The following RNF157 variants were observed in gnomAD, a reference collection of about 807,000 sequenced individuals.
RNF157 encodes the protein E3 ubiquitin ligase RNF157.
RNF157 carries 55 observed loss-of-function variants against 88.3 expected under a neutral mutation model. That is an observed-to-expected ratio of 0.62 (90% CI 0.50 to 0.78). The LOEUF (loss-of-function observed/expected upper bound fraction) is 0.78, where lower values mean the gene tolerates loss of function less well. Among genes scored for constraint, RNF157 ranks in the 30% least tolerant of loss-of-function variants. The pLI is 0.00. For missense variants in RNF157, 788 were observed against 860.8 expected (o/e 0.92, Z 1.06); for synonymous variants, 334 against 341.2 (o/e 0.98, Z 0.23).
chr17:76,191,598 C>A (rs1412917891), intron 2 of RNF157, among the ~76,000 whole-genome samples: 1 of 119,510 alleles, frequency 8.4e-6, no homozygotes, highest in Non-Finnish European at 1.7e-5. Flanking sequence ...AAGACTCCGC[C>A]TCAAAAAAAA....
chr17:76,225,851 G>A, intron 1 of RNF157: 1 of 1,612,736 alleles, frequency 6.2e-7, no homozygotes, highest in Non-Finnish European at 8.5e-7. Context: ...CTCTTTTAGA[G>A]CCTCGTTCTT....
intron 18 of RNF157, among the ~76,000 whole-genome samples, chr17:76,149,376 A>G (rs2068638303): frequency 6.6e-6 from 1 of 151,800 alleles, no homozygotes; most frequent in Non-Finnish European, 1.5e-5. Flanking sequence ...TTGAAGAGGG[A>G]AATAGACTCA....
At chr17:76,235,012 T>C (rs943927884) in intron 1 of RNF157, among the ~76,000 whole-genome samples, 9 of 152,228 alleles carry the variant, frequency 5.9e-5, no homozygotes, top group African/African-American at 2.2e-4. Flanking sequence ...CACTGATCTA[T>C]ATGCTCTTCA....
At chr17:76,198,455 G>A (rs1320807531) in intron 2 of RNF157, among the ~76,000 whole-genome samples, 1 of 152,134 alleles carries the variant, frequency 6.6e-6, no homozygotes, top group African/African-American at 2.4e-5. Context: ...TCTACTCCAC[G>A]AGAATAGGTC....
intron 1 of RNF157, among the ~76,000 whole-genome samples, chr17:76,217,875 C>G (rs1172259253): frequency 6.6e-6 from 1 of 152,160 alleles, no homozygotes; most frequent in Non-Finnish European, 1.5e-5. Context: ...AAAGTCACAT[C>G]ATACACATAT....
intron 2 of RNF157, among the ~76,000 whole-genome samples, chr17:76,205,086 C>T (rs1190412527): frequency 6.6e-6 from 1 of 151,428 alleles, no homozygotes; most frequent in Non-Finnish European, 1.5e-5. Flanking sequence ...CATGCCCAGT[C>T]TCCTTCCTTC....
rs1248707983 is a variant in RNF157 at position 76,142,695 on chromosome 17, G to A, written c.*2540C>T. ...AGGTGGGCAGGACCCCAACTCCCAG[G>A]TGAGGTGGGCAGGACCCTAACTCCC... On this transcript the variant is annotated 3_prime_UTR_variant, in exon 19 of 19. Coordinates refer to ENST00000269391, the MANE Select transcript of RNF157 (RefSeq NM_052916.3). 6.6e-6 allele frequency: 1 copy of A among 152,460 alleles called. No individual in the cohort carries two copies. Among genetic ancestry groups the A allele is most frequent in the Non-Finnish European group, 1.5e-5 (1 of 68,210 alleles). 9.4% of individuals were successfully genotyped at this position (152,460 alleles called of 1,614,324 possible).
At chr17:76,221,798 T>C (rs7217334) in intron 1 of RNF157, among the ~76,000 whole-genome samples, 21,522 of 152,176 alleles carry the variant, frequency 0.14, 2,286 homozygotes, top group African/African-American at 0.28. Context: ...GTATAATGTG[T>C]CCGACATATG....
chr17:76,218,893 C>T (rs1261780166), intron 1 of RNF157, among the ~76,000 whole-genome samples: 2 of 151,740 alleles, frequency 1.3e-5, no homozygotes, highest in African/African-American at 4.8e-5. Context: ...AAGATCACAC[C>T]ACGGCACTCC....
At chr17:76,234,247 G>A (rs1286968057) in intron 1 of RNF157, among the ~76,000 whole-genome samples, 1 of 152,106 alleles carries the variant, frequency 6.6e-6, no homozygotes, top group African/African-American at 2.4e-5. Flanking sequence ...ATTCTATTGT[G>A]CAGACTTACC....
chr17:76,178,938 T>C (rs2069147424), intron 2 of RNF157, among the ~76,000 whole-genome samples: 1 of 152,140 alleles, frequency 6.6e-6, no homozygotes, highest in South Asian at 2.1e-4. Flanking sequence ...AATCTAGAGA[T>C]GAGATTTCCA....
rs2069470502 is a variant in RNF157, at chr17:76,195,938, G to GT, written c.207+16425dup. Among the ~76,000 whole-genome samples the GT allele has an allele frequency of 1.3e-5, 2 of 152,180 alleles. No individual in the cohort carries two copies. Among genetic ancestry groups the GT allele is most frequent in the Non-Finnish European group, 2.9e-5 (2 of 68,048 alleles). ...ACTATTGCCACGGCAACACCTGGAA[G>GT]TTACCACCCTCTTTCATGGCAATGA... is the stretch of plus-strand genomic sequence containing the variant. On this transcript the variant is annotated intron_variant, in intron 2 of 18. Coordinates refer to ENST00000269391, the MANE Select transcript of RNF157 (RefSeq NM_052916.3). This position sits in a 1 kb window ranked among gnomAD's most constrained non-coding sequence, Gnocchi z 4.4.
intron 2 of RNF157, among the ~76,000 whole-genome samples, chr17:76,197,148 T>G (rs1398585546): frequency 6.6e-6 from 1 of 151,792 alleles, no homozygotes; most frequent in Non-Finnish European, 1.5e-5. Flanking sequence ...CTGAGGTGGG[T>G]GGAAAGTGGA....
chr17:76,194,511 T>A (rs2144956242), intron 2 of RNF157, among the ~76,000 whole-genome samples: 1 of 152,282 alleles, frequency 6.6e-6, no homozygotes, highest in East Asian at 1.9e-4. Context: ...CGCTTCTTAG[T>A]GGGCTGTGAA....
intron 2 of RNF157, among the ~76,000 whole-genome samples, chr17:76,200,514 T>C (rs2069557032): frequency 6.6e-6 from 1 of 152,082 alleles, no homozygotes; most frequent in African/African-American, 2.4e-5. Flanking sequence ...CCTAGAGTAG[T>C]CAAACTCATA....
chr17:76,147,431 A>T, intron 18 of RNF157: 4 of 730,434 alleles, frequency 5.5e-6, no homozygotes, highest in Non-Finnish European at 6.7e-6. Flanking sequence ...AAGCCATGGA[A>T]TGCTGGGCCG....
intron 1 of RNF157, among the ~76,000 whole-genome samples, chr17:76,233,418 T>C (rs2070229848): frequency 6.6e-6 from 1 of 152,250 alleles, no homozygotes; most frequent in South Asian, 2.1e-4. Flanking sequence ...TTTTTACTTG[T>C]ATGGATTTTG....
chr17:76,210,186 T>C (rs939623120), intron 2 of RNF157, among the ~76,000 whole-genome samples: 7 of 151,874 alleles, frequency 4.6e-5, no homozygotes, highest in African/African-American at 1.7e-4. Context: ...AATCAAAGAG[T>C]AGACATCTGA....
At chr17:76,213,569 CAAA>C (rs532739758) in intron 1 of RNF157, among the ~76,000 whole-genome samples, 3 of 76,066 alleles carry the variant, frequency 3.9e-5, no homozygotes, top group Non-Finnish European at 5.6e-5. Context: ...AACTCCATCT[CAAA>C]AAAAAAAAAA....
Sources: allele counts gnomAD v4.1 joint callset (sites outside exome capture counted in the v4.1 genomes callset), GRCh38; gene constraint gnomAD v4.1.1; non-coding constraint Gnocchi (gnomAD v3.1); transcripts MANE v1.5; gene names NCBI Gene and HGNC (gene_info 2026-07-23, HGNC 2026-07-21).